Variants in MCF2L2 observed in about 807,000 individuals in gnomAD.
The protein encoded by MCF2L2 is probable guanine nucleotide exchange factor MCF2L2.
Under a neutral mutation model 150.2 loss-of-function variants are expected in MCF2L2, and 102 were observed. The ratio of observed to expected loss-of-function variants is 0.68; its 90% CI spans 0.58 to 0.80. The LOEUF (loss-of-function observed/expected upper bound fraction) is 0.80. MCF2L2 is among the 30% of genes least tolerant of loss of function. MCF2L2 has a pLI of 0.00. For synonymous variants in MCF2L2, 465 were observed against 491.3 expected, an observed-to-expected ratio of 0.95 and a Z score of 0.71; for missense variants, 1,256 against 1,372.8, an observed-to-expected ratio of 0.91 and a Z score of 1.34.
Position 183,296,911 on chromosome 3 carries a change from G to A in MCF2L2, c.1497+65C>T, listed in dbSNP as rs1728536944. 2.6e-6 allele frequency: 4 copies of A among 1,515,320 alleles called. No homozygotes were observed. In the African/African-American group the frequency reaches 4.1e-5, roughly 16 times the overall value. The allele number at this position is 1,515,320 out of a possible 1,614,324, so 93.9% of individuals were successfully genotyped here. On this transcript the variant is annotated intron_variant, in intron 12 of 29. Transcript: ENST00000328913. ...CCTGTGTGTACTTTATCAGGAAGAA[G>A]GTACAGTCCCTCCCTCCCCTATCCG... is the stretch of plus-strand genomic sequence containing the variant.
At chr3:183,412,715 TTTTTA>T (rs1715379332) in intron 1 of MCF2L2, among the ~76,000 whole-genome samples, 1 of 152,160 alleles carries the variant, frequency 6.6e-6, no homozygotes, top group Non-Finnish European at 1.5e-5. Flanking sequence ...ATTTTTTTTA[TTTTTA>T]TTTTTTTTCC....
intron 3 of MCF2L2, among the ~76,000 whole-genome samples, chr3:183,353,782 T>C (rs1397329190): frequency 6.6e-6 from 1 of 152,024 alleles, no homozygotes; most frequent in East Asian, 1.9e-4. Flanking sequence ...CCAAACCATA[T>C]CCAGGGCCTC....
At chr3:183,309,228 C>T (rs1729245490) in intron 10 of MCF2L2, among the ~76,000 whole-genome samples, 1 of 151,942 alleles carries the variant, frequency 6.6e-6, no homozygotes, top group Non-Finnish European at 1.5e-5. Flanking sequence ...GACCAATTTC[C>T]CCCATCTAAT....
intron 20 of MCF2L2, among the ~76,000 whole-genome samples, chr3:183,221,448 G>A (rs942106766): frequency 6.6e-6 from 1 of 152,200 alleles, no homozygotes; most frequent in African/African-American, 2.4e-5. Context: ...CAGCCTGGAA[G>A]GGTCAGAGCC....
At chr3:183,212,107 G>A (rs115006078) in intron 22 of MCF2L2, among the ~76,000 whole-genome samples, 108 of 152,302 alleles carry the variant, frequency 7.1e-4, no homozygotes, top group Admixed American at 2.0e-3. Flanking sequence ...ACAGCTGTCA[G>A]CCAAGGAACT....
intron 1 of MCF2L2, among the ~76,000 whole-genome samples, chr3:183,398,007 G>A (rs1714555686): frequency 6.6e-6 from 1 of 152,188 alleles, no homozygotes. Flanking sequence ...GTGAGATAGA[G>A]AACAGAATGT....
rs763539709 is a variant in MCF2L2, at chr3:183,389,730, T to C, written c.126A>G (p.Ile42Met). The C allele has an allele frequency of 7.4e-5, 120 of 1,614,092 alleles. No homozygotes were observed. Among genetic ancestry groups the C allele is most frequent in the Non-Finnish European group, 9.8e-5 (116 of 1,180,010 alleles). Residue 42 changes from isoleucine to methionine, a missense_variant, in exon 2 of 30, where the codon ATA (isoleucine) becomes ATG (methionine). Physicochemically the swap from Ile to Met is conservative, Grantham distance 10. Transcript: ENST00000328913. The stretch of plus-strand genomic sequence containing the variant: ...TGGCAAATTGTCTGTGAAGTTGTTC[T>C]ATTATCTCCACCGCCATCAGGGGTC... ...EVRPLMAVEI[I>M]EQLHRQFAIL...
intron 15 of MCF2L2, among the ~76,000 whole-genome samples, chr3:183,249,564 C>T (rs1724419637): frequency 6.6e-6 from 1 of 152,204 alleles, no homozygotes; most frequent in Admixed American, 6.5e-5. Flanking sequence ...CTCAGAGTGG[C>T]CTGCGGGTGA....
intron 15 of MCF2L2, among the ~76,000 whole-genome samples, chr3:183,258,142 G>GT (rs1725241660): frequency 6.6e-6 from 1 of 151,350 alleles, no homozygotes. Context: ...TAATTTTTGT[G>GT]TTTTTAGTAG....
chr3:183,312,356 A>G (rs865967901), intron 7 of MCF2L2, among the ~76,000 whole-genome samples: 7 of 152,192 alleles, frequency 4.6e-5, no homozygotes, highest in African/African-American at 1.4e-4. Context: ...CTTTTAACAG[A>G]GACTTAGTAC....
At chr3:183,370,363 G>GA (rs1712797971) in intron 3 of MCF2L2, among the ~76,000 whole-genome samples, 1 of 152,278 alleles carries the variant, frequency 6.6e-6, no homozygotes, top group Non-Finnish European at 1.5e-5. Flanking sequence ...CAATGCCCGG[G>GA]TGGGGCATCG....
intron 3 of MCF2L2, chr3:183,374,206 T>A (rs1355028469): frequency 6.6e-6 from 1 of 152,526 alleles, no homozygotes; most frequent in African/African-American, 2.4e-5. Flanking sequence ...GTGCCTCAAC[T>A]CCTTAACTTG....
chr3:183,360,491 C>T (rs1017892012), intron 3 of MCF2L2, among the ~76,000 whole-genome samples: 5 of 151,688 alleles, frequency 3.3e-5, no homozygotes, highest in Admixed American at 2.0e-4. Context: ...TGCTTGAGTC[C>T]GGGAGTTCAA....
intron 13 of MCF2L2, among the ~76,000 whole-genome samples, chr3:183,292,361 C>T (rs114685251): frequency 0.02 from 3,032 of 151,840 alleles, 60 homozygotes; most frequent in East Asian, 0.051. Context: ...TCGAAACCTG[C>T]CTGGACAATA....
intron 1 of MCF2L2, among the ~76,000 whole-genome samples, chr3:183,402,421 T>C (rs373263532): frequency 7.5e-6 from 1 of 133,596 alleles, no homozygotes; most frequent in Non-Finnish European, 1.6e-5. Flanking sequence ...GCCACTGCAT[T>C]CCAGCCTGGG....
At chr3:183,388,211 G>A (rs993754492) in intron 2 of MCF2L2, among the ~76,000 whole-genome samples, 3 of 152,188 alleles carry the variant, frequency 2.0e-5, no homozygotes, top group Non-Finnish European at 4.4e-5. Flanking sequence ...ATGAGCCATT[G>A]TGTAATTATA....
At chr3:183,238,929 G>A (rs1421836606) in intron 15 of MCF2L2, among the ~76,000 whole-genome samples, 1 of 146,794 alleles carries the variant, frequency 6.8e-6, no homozygotes, top group East Asian at 2.0e-4. Context: ...CCCCGGAGGT[G>A]GAGCTTGCAG....
intron 1 of MCF2L2, among the ~76,000 whole-genome samples, chr3:183,396,744 T>A (rs944366939): frequency 1.5e-4 from 23 of 152,292 alleles, no homozygotes; most frequent in African/African-American, 5.5e-4. Flanking sequence ...TAATAATTAT[T>A]ATTATTGTAT....
chr3:183,285,339 C>T (rs1727727295), intron 14 of MCF2L2, among the ~76,000 whole-genome samples: 3 of 152,198 alleles, frequency 2.0e-5, no homozygotes, highest in African/African-American at 7.2e-5. Flanking sequence ...AAATAAGCTG[C>T]TGGTTGGGTA....
Sources: allele counts gnomAD v4.1 joint callset (sites outside exome capture counted in the v4.1 genomes callset), GRCh38; gene constraint gnomAD v4.1.1; transcripts MANE v1.5; gene names NCBI Gene and HGNC (gene_info 2026-07-23, HGNC 2026-07-21).